The following KANK4 variants were observed in gnomAD, a reference collection of about 807,000 sequenced individuals.
The protein encoded by KANK4 is KN motif and ankyrin repeat domains 4.
In KANK4, 50 loss-of-function variants were observed where a neutral mutation model predicts 80.8. The observed-to-expected ratio is 0.62, with a 90% CI of 0.49 to 0.78. The LOEUF (loss-of-function observed/expected upper bound fraction) is 0.78. KANK4 is among the 30% of genes least tolerant of loss of function. The probability of loss-of-function intolerance (pLI) is 0.00; values close to 1 mark genes in which losing one functional copy is unlikely to be tolerated. For synonymous variants in KANK4, 465 were observed against 506.9 expected, an observed-to-expected ratio of 0.92 and a Z score of 1.11; for missense variants, 1,196 against 1,240.1, an observed-to-expected ratio of 0.96 and a Z score of 0.53.
chr1:62,271,688 TG>T, intron 3 of KANK4, 99 bp from the exon 4 acceptor site: 2 of 869,852 alleles, frequency 2.3e-6, no homozygotes, highest in Non-Finnish European at 3.9e-6. Flanking sequence ...GTTGCAGGTG[TG>T]TGGAGAGGTA....
At chr1:62,250,715 ATAAT>A (rs1245439348) in intron 8 of KANK4, among the ~76,000 whole-genome samples, 1 of 11,706 alleles carries the variant, frequency 8.5e-5, no homozygotes, top group Non-Finnish European at 2.1e-4. Context: ...AATTTAGAAA[ATAAT>A]TAACGTATTT....
intron 6 of KANK4, among the ~76,000 whole-genome samples, chr1:62,264,045 T>A (rs1671959195): frequency 6.6e-6 from 1 of 152,178 alleles, no homozygotes. Context: ...TATTGAGAAA[T>A]GATTATGATA....
At chr1:62,304,171 G>A (rs897027416) in intron 1 of KANK4, among the ~76,000 whole-genome samples, 4 of 152,000 alleles carry the variant, frequency 2.6e-5, no homozygotes, top group Non-Finnish European at 4.4e-5. Context: ...CACCATGCCC[G>A]GACCTTCAGA....
rs767062382 is a variant in KANK4 at position 62,268,480 on chromosome 1, T to C, written c.2038A>G (p.Thr680Ala). The change falls in exon 5 of 10, where the codon ACC becomes GCC. Residue 680 changes from threonine to alanine, a missense_variant. Thr to Ala is a moderately conservative substitution (Grantham distance 58). Transcript: ENST00000371153. ...TCTGGGGTGCTGTCCTCACCGCTGG[T>C]CTCCTCACTTGAGGTGGTCTCATAC... ...GGYETTSSEE[T>A]SGEDSTPEDL... 1.2e-6 allele frequency: 2 copies of C among 1,613,690 alleles called. No homozygotes were observed. The highest frequency in any genetic ancestry group is 2.2e-5 in the South Asian group (2 of 91,050).
At chr1:62,310,032 G>A in intron 1 of KANK4, among the ~76,000 whole-genome samples, 1 of 152,338 alleles carries the variant, frequency 6.6e-6, no homozygotes, top group Non-Finnish European at 1.5e-5. Flanking sequence ...TTAAGTCAGG[G>A]AAGGCCAGCC....
chr1:62,260,926 A>G (rs1339577474), intron 7 of KANK4, among the ~76,000 whole-genome samples: 1 of 152,152 alleles, frequency 6.6e-6, no homozygotes, highest in Non-Finnish European at 1.5e-5. Flanking sequence ...GGCCCCACCC[A>G]AAGCTCTGTT....
At chr1:62,271,756 G>A (rs971322387) in intron 3 of KANK4, 167 bp from the exon 4 acceptor site, 2 of 572,070 alleles carry the variant, frequency 3.5e-6, no homozygotes, top group Admixed American at 5.7e-5. Flanking sequence ...TCTTGGAGGA[G>A]CCTTGCTTTC....
At position 62,247,566 on chromosome 1, in the gene KANK4, GA is replaced by G. The variant is rs1229313437; in HGVS notation, c.2788del (p.Ser930ProfsTer29). 1.9e-6 allele frequency: 3 copies of G among 1,613,968 alleles called. No individual in the cohort carries two copies. In the Admixed American group the frequency reaches 5.0e-5, roughly 27 times the overall value. ...GTGACAGGCCACCATGAGGGCCGAG[GA>G]TCCATCGTGGTCCTGCAGATTGACA... ...ADVNLQDHDG[S>X]SALMVACHHG... is the part of the protein sequence containing the mutation. On this transcript the variant is annotated frameshift_variant, in exon 9 of 10. Coordinates refer to ENST00000371153, the MANE Select transcript of KANK4 (RefSeq NM_181712.5). LOFTEE classifies it high-confidence loss of function.
intron 1 of KANK4, among the ~76,000 whole-genome samples, chr1:62,293,404 G>T (rs1925827): frequency 0.73 from 110,521 of 151,988 alleles, 41,516 homozygotes; most frequent in African/African-American, 0.92. Flanking sequence ...CTCAATTCTT[G>T]AAATCTATAA....
intron 1 of KANK4, among the ~76,000 whole-genome samples, chr1:62,285,238 G>A (rs116066577): frequency 0.014 from 2,114 of 152,290 alleles, 47 homozygotes; most frequent in African/African-American, 0.048. Context: ...TGAGGACCAA[G>A]GCTGACCATT....
intron 2 of KANK4, among the ~76,000 whole-genome samples, chr1:62,278,365 C>T (rs372204032): frequency 0.25 from 5,988 of 23,804 alleles, 462 homozygotes; most frequent in East Asian, 0.46. Context: ...TCCTTCCTTC[C>T]TTCCTTCCTT....
In KANK4 at chr1:62,268,457, T is replaced by C. The variant is rs1456835628; in HGVS notation, c.2061A>G (p.Pro687=). 7 of 1,613,884 alleles carry C rather than the reference T, an allele frequency of 4.3e-6. No individual in the cohort carries two copies. The East Asian group carries it at 1.6e-4, about 36-fold the overall frequency. ...CTGCCTCGCTGTCAGACAAGTCCTC[T>C]GGGGTGCTGTCCTCACCGCTGGTCT... ...SEETSGEDST[P]EDLSDSEAEK... Residue 687 remains proline, a synonymous_variant, in exon 5 of 10, where the codon CCA becomes CCG. Transcript: ENST00000371153.
At chr1:62,299,992 T>C (rs1173938222) in intron 1 of KANK4, among the ~76,000 whole-genome samples, 1 of 152,102 alleles carries the variant, frequency 6.6e-6, no homozygotes, top group African/African-American at 2.4e-5. Context: ...TCCGACATAC[T>C]TACCCACTTG....
Position 62,273,342 on chromosome 1 carries a change from C to A in KANK4, c.1762G>T (p.Ala588Ser), listed in dbSNP as rs74424889. The part of the protein sequence containing the change: ...LEHGYPELAS[A>S]IKQPASKLSS... ...AGCTTGGAGGCTGGCTGCTTGATGG[C>A]GCTGGCCAGCTCCGGGTACCCATGC... The change falls in exon 3 of 10, where the codon GCC (alanine) becomes TCC (serine). Residue 588 changes from alanine (A) to serine (S), a missense_variant. Physicochemically the swap from Ala to Ser is moderately conservative, Grantham distance 99. Coordinates refer to ENST00000371153, the MANE Select transcript of KANK4 (RefSeq NM_181712.5). 3 of 1,608,410 alleles carry A rather than the reference C, an allele frequency of 1.9e-6. No individual in the cohort carries two copies. Among genetic ancestry groups the A allele is most frequent in the Non-Finnish European group, 2.6e-6 (3 of 1,175,786 alleles).
At chr1:62,314,828 G>A (rs1644526906) in intron 1 of KANK4, among the ~76,000 whole-genome samples, 1 of 152,152 alleles carries the variant, frequency 6.6e-6, no homozygotes, top group African/African-American at 2.4e-5. Context: ...ATTTGAGGGG[G>A]CAGAGCCCAG....
intron 2 of KANK4, among the ~76,000 whole-genome samples, chr1:62,276,754 G>GCACCAGCCTGGTGCTC (rs372977129): frequency 0.062 from 7,716 of 125,288 alleles, 230 homozygotes; most frequent in East Asian, 0.15. Context: ...TCCAGCCTGG[G>GCACCAGCCTGGTGCTC]CAACGATAGC....
chr1:62,286,817 C>T (rs556155026), intron 1 of KANK4, among the ~76,000 whole-genome samples: 17 of 152,168 alleles, frequency 1.1e-4, no homozygotes, highest in Non-Finnish European at 1.9e-4. Context: ...GGAAATCTGT[C>T]GGGGCAGAGC....
At chr1:62,262,087 T>G (rs1671899051) in intron 7 of KANK4, among the ~76,000 whole-genome samples, 2 of 152,208 alleles carry the variant, frequency 1.3e-5, no homozygotes, top group Non-Finnish European at 2.9e-5. Flanking sequence ...GAAAGATGAA[T>G]GAATCAAGTT....
chr1:62,315,283 C>T (rs1644529879), intron 1 of KANK4, among the ~76,000 whole-genome samples: 2 of 152,278 alleles, frequency 1.3e-5, no homozygotes, highest in South Asian at 2.1e-4. Flanking sequence ...CAGTGTAGCA[C>T]AAAGTGGTTA....
Sources: allele counts gnomAD v4.1 joint callset (sites outside exome capture counted in the v4.1 genomes callset), GRCh38; gene constraint gnomAD v4.1.1; transcripts MANE v1.5; gene names NCBI Gene and HGNC (gene_info 2026-07-23, HGNC 2026-07-21).